The following PARD3B variants were observed in gnomAD, a reference collection of about 807,000 sequenced individuals.
The protein encoded by PARD3B is partitioning defective 3 homolog B.
PARD3B carries 103 observed loss-of-function variants against 130.2 expected under a neutral mutation model. That is an observed-to-expected ratio of 0.79 (90% CI 0.67 to 0.93). PARD3B has a LOEUF of 0.93. PARD3B is among the 40% of genes least tolerant of loss of function. PARD3B has a pLI of 0.00. For synonymous variants in PARD3B, 583 were observed against 553.2 expected (o/e 1.05, Z -0.76); for missense variants, 1,609 against 1,499.2 (o/e 1.07, Z -1.21).
At chr2:204,751,441 T>C (rs2040463512) in intron 2 of PARD3B, among the ~76,000 whole-genome samples, 2 of 152,244 alleles carry the variant, frequency 1.3e-5, no homozygotes, top group Admixed American at 1.3e-4. Context: ...CTTCTTTAAC[T>C]TCAAGGTACA....
At position 205,360,190 on chromosome 2, in the gene PARD3B, C is replaced by A. The variant is rs2044337907; in HGVS notation, c.2631-40823C>A. On this transcript the variant is annotated intron_variant, in intron 18 of 22. Coordinates refer to ENST00000406610, the MANE Select transcript of PARD3B (RefSeq NM_001302769.2). ...ACATCGTTTTATATGGTTGTTAATT[C>A]TTATAGCATCTCATTCTGTAAATTC... is the stretch of plus-strand genomic sequence containing the variant. Among the ~76,000 whole-genome samples, 3 of 152,056 alleles carry A rather than the reference C, an allele frequency of 2.0e-5. No individual in the cohort carries two copies. In the South Asian group the frequency reaches 6.2e-4, roughly 31 times the overall value.
chr2:205,440,430 T>C lies in PARD3B; in HGVS notation c.2802T>C (p.Ala934=), dbSNP rs766052727. ...AGGCAAGAGGTCTTCTTGATTATGC[T>C]ACTGGTGCAATTGGATCAGTGTATG... ...EKQARGLLDY[A]TGAIGSVYDM... Residue 934 remains alanine, a synonymous_variant, in exon 20 of 23, where the codon GCT becomes GCC. Coordinates refer to ENST00000406610, the MANE Select transcript of PARD3B (RefSeq NM_001302769.2). The surrounding 1 kb of genome is among the most constrained non-coding windows in gnomAD (Gnocchi z 4.2). The C allele has an allele frequency of 3.1e-6, 5 of 1,614,098 alleles. No homozygotes were observed. The highest frequency in any genetic ancestry group is 4.2e-6 in the Non-Finnish European group (5 of 1,179,972).
intron 2 of PARD3B, among the ~76,000 whole-genome samples, chr2:204,866,360 C>T (rs76799800): frequency 0.013 from 1,948 of 152,140 alleles, 47 homozygotes; most frequent in African/African-American, 0.045. Context: ...AAATGAAACA[C>T]TAAAATAGGG....
chr2:204,878,502 C>T (rs1291534168), intron 2 of PARD3B, among the ~76,000 whole-genome samples: 1 of 151,874 alleles, frequency 6.6e-6, no homozygotes, highest in South Asian at 2.1e-4. Context: ...TTTTCCTTGA[C>T]ATTATTTATG....
intron 10 of PARD3B, among the ~76,000 whole-genome samples, chr2:205,133,815 A>T (rs779441345): frequency 6.6e-6 from 1 of 152,090 alleles, no homozygotes; most frequent in Non-Finnish European, 1.5e-5. Context: ...CTCAGGTCCA[A>T]CTCGATTGTG....
rs181660227 is a variant in PARD3B, at chr2:205,397,627, C to A, written c.2631-3386C>A. Among the ~76,000 whole-genome samples the A allele has an allele frequency of 7.9e-5, 12 of 152,048 alleles. No individual in the cohort carries two copies. The East Asian group carries it at 2.1e-3, about 27-fold the overall frequency. On this transcript the variant is annotated intron_variant, in intron 18 of 22. Transcript: ENST00000406610. This position sits in a 1 kb window ranked among gnomAD's most constrained non-coding sequence, Gnocchi z 4.8. ...TTTACCTCAGAAATCCCAAAAGCTG[C>A]AAATATAGGAGAAATAATATGGGAC...
chr2:205,499,880 T>C lies in PARD3B; in HGVS notation c.3045-16T>C. ...TGTACACTGTGTGAATCTGATTATT[T>C]GTCTATATCCTGTAGTGGCCGTCCT... On this transcript the variant is annotated splice_polypyrimidine_tract_variant and intron_variant, in intron 20 of 22. Coordinates refer to ENST00000406610, the MANE Select transcript of PARD3B (RefSeq NM_001302769.2). 4 of 1,610,160 alleles carry C rather than the reference T, an allele frequency of 2.5e-6. No individual in the cohort carries two copies. Among genetic ancestry groups the C allele is most frequent in the Non-Finnish European group, 3.4e-6 (4 of 1,177,528 alleles).
chr2:205,536,627 G>T (rs1278378677), intron 21 of PARD3B, among the ~76,000 whole-genome samples: 2 of 152,136 alleles, frequency 1.3e-5, no homozygotes, highest in African/African-American at 4.8e-5. Flanking sequence ...CATGACCCTT[G>T]AGGAAGATAC....
chr2:204,580,777 G>A (rs1444269961), intron 1 of PARD3B, among the ~76,000 whole-genome samples: 6 of 152,218 alleles, frequency 3.9e-5, no homozygotes, highest in Non-Finnish European at 8.8e-5. Flanking sequence ...CTATAAGAGA[G>A]ACTGTGATCT....
intron 13 of PARD3B, among the ~76,000 whole-genome samples, chr2:205,177,092 T>C (rs1312084765): frequency 6.6e-6 from 1 of 152,200 alleles, no homozygotes; most frequent in East Asian, 1.9e-4. Flanking sequence ...TTTTGCCTTA[T>C]TATCTAATGT....
intron 10 of PARD3B, among the ~76,000 whole-genome samples, chr2:205,156,332 C>T (rs1167529659): frequency 6.6e-6 from 1 of 150,966 alleles, no homozygotes; most frequent in Non-Finnish European, 1.5e-5. Context: ...TTAATGGGTG[C>T]AGCACACCAG....
At chr2:204,937,474 A>C (rs1165534456) in intron 2 of PARD3B, among the ~76,000 whole-genome samples, 3 of 152,152 alleles carry the variant, frequency 2.0e-5, no homozygotes, top group Non-Finnish European at 4.4e-5. Flanking sequence ...GGTGTGTGAC[A>C]TTATGTTGTG....
chr2:205,313,725 T>G (rs891145690), intron 18 of PARD3B, among the ~76,000 whole-genome samples: 5 of 152,196 alleles, frequency 3.3e-5, no homozygotes, highest in Admixed American at 2.0e-4. Flanking sequence ...TTTATCTCAT[T>G]ACTTTTCTTG....
chr2:205,260,788 A>C (rs1574530602), intron 16 of PARD3B, among the ~76,000 whole-genome samples: 1 of 152,114 alleles, frequency 6.6e-6, no homozygotes, highest in East Asian at 1.9e-4. Flanking sequence ...GAGATGAGAC[A>C]GATTTTCTTA....
chr2:205,118,141 G>C (rs955688626), intron 6 of PARD3B, among the ~76,000 whole-genome samples: 5 of 152,124 alleles, frequency 3.3e-5, no homozygotes, highest in Non-Finnish European at 4.4e-5. Context: ...TCGGAAGCGG[G>C]GTCTGCTAGA....
chr2:205,023,947 A>G (rs1265808786), intron 3 of PARD3B, among the ~76,000 whole-genome samples: 3 of 152,014 alleles, frequency 2.0e-5, no homozygotes, highest in Non-Finnish European at 4.4e-5. Flanking sequence ...TCCTGTTTCT[A>G]CCATATACTA....
chr2:204,766,775 C>G (rs888097171), intron 2 of PARD3B, among the ~76,000 whole-genome samples: 2 of 148,314 alleles, frequency 1.3e-5, no homozygotes, highest in African/African-American at 4.9e-5. Context: ...TTTTCTAAAG[C>G]TTATGAAGTT....
At chr2:205,433,996 C>T (rs572056162) in intron 19 of PARD3B, among the ~76,000 whole-genome samples, 4 of 152,210 alleles carry the variant, frequency 2.6e-5, no homozygotes, top group Non-Finnish European at 5.9e-5. Flanking sequence ...AAACATATGT[C>T]GTCATTTCTT....
chr2:205,044,371 G>A (rs1698615541), intron 3 of PARD3B, among the ~76,000 whole-genome samples: 1 of 148,644 alleles, frequency 6.7e-6, no homozygotes, highest in African/African-American at 2.5e-5. Flanking sequence ...GATCCCTGAG[G>A]AATCGCCACA....
Sources: gnomAD v4.1 joint callset for allele counts (sites outside exome capture counted in the v4.1 genomes callset) on GRCh38, gnomAD v4.1.1 for gene constraint, Gnocchi (gnomAD v3.1) non-coding constraint, MANE v1.5 for transcripts, NCBI Gene and HGNC (gene_info 2026-07-23, HGNC 2026-07-21) for gene names.